The following AKAP8 variants were observed in gnomAD, a reference collection of about 807,000 sequenced individuals.
AKAP8 encodes the protein A-kinase anchor protein 8.
Under a neutral mutation model 67.5 loss-of-function variants are expected in AKAP8, and 24 were observed. The observed-to-expected ratio is 0.36, with a 90% CI of 0.26 to 0.50. AKAP8 has a LOEUF of 0.50. Among genes scored for constraint, AKAP8 ranks in the 20% least tolerant of loss-of-function variants. The pLI is 0.97. For synonymous variants in AKAP8, 400 were observed against 371.1 expected (o/e 1.08, Z -0.90); for missense variants, 971 against 955.9 (o/e 1.02, Z -0.21).
At chr19:15,367,175 G>A (rs1967084646) in intron 9 of AKAP8, among the ~76,000 whole-genome samples, 1 of 152,214 alleles carries the variant, frequency 6.6e-6, no homozygotes, top group Non-Finnish European at 1.5e-5. Context: ...CAAAGTGCTG[G>A]AATTACATGT....
Position 15,368,240 on chromosome 19 carries a change from G to A in AKAP8, c.1155C>T (p.Ala385=), listed in dbSNP as rs1214417575. 6 of 1,611,882 alleles carry A rather than the reference G, an allele frequency of 3.7e-6. No homozygotes were observed. Among genetic ancestry groups the A allele is most frequent in the South Asian group, 2.2e-5 (2 of 91,088 alleles). ...RRRDRTRDRA[A]DRIQFACSVC... ...GTCGTGTGCCCGCGCCTCACCTGTC[G>A]GCTGCACGGTCCCGCGTCCTGTCTC... The change falls in exon 9 of 14, where the codon GCC becomes GCT. Residue 385 remains alanine (A), a synonymous_variant. Transcript: ENST00000269701.
At chr19:15,368,528 A>C (rs1290367883) in intron 8 of AKAP8, 1 of 985,158 alleles carries the variant, frequency 1.0e-6, no homozygotes, top group Admixed American at 6.2e-5. Context: ...AGTAGTCACC[A>C]AACTCCCCAC....
rs1359371237 is a variant in AKAP8 at position 15,364,116 on chromosome 19, A to AAAAAAAAG, written c.1161-1866_1161-1865insCTTTTTTT. On this transcript the variant is annotated intron_variant, in intron 9 of 13. Transcript: ENST00000269701. The stretch of plus-strand genomic sequence containing the variant: ...AATAAATTGGCAGTGGGCAAAAAAA[A>AAAAAAAAG]AAAAAAAAAGAAACAGGATTTTCAG... Among the ~76,000 whole-genome samples, 6 of 144,574 alleles carry AAAAAAAAG rather than the reference A, an allele frequency of 4.2e-5. 1 individual carries two copies. The East Asian group carries it at 1.0e-3, about 24-fold the overall frequency. 94.8% of individuals were successfully genotyped at this position (144,574 alleles called of 152,430 possible). A position where few individuals can be genotyped will look rare whatever the true frequency, so the allele number is the denominator to read the frequency against.
At chr19:15,365,597 G>A (rs1967055110) in intron 9 of AKAP8, among the ~76,000 whole-genome samples, 3 of 152,216 alleles carry the variant, frequency 2.0e-5, no homozygotes, top group Admixed American at 1.3e-4. Context: ...TCTGCAGACA[G>A]CCCCTACGTA....
Position 15,372,988 on chromosome 19 carries a change from G to A in AKAP8, c.724C>T (p.Arg242Trp), listed in dbSNP as rs538615949. Reference sequence around the variant, plus strand: ...TGGGAGAAGAGGGACGGAGGTGGCCGGCTGGGGGAGGGCCCTCCCAGGCCC... The same window carrying A: ...TGGGAGAAGAGGGACGGAGGTGGCCAGCTGGGGGAGGGCCCTCCCAGGCCC... Reference protein sequence around the residue: ...GRGLGGPSPSRPPPSLFSQSM... With the variant: ...GRGLGGPSPSWPPPSLFSQSM... The change falls in exon 5 of 14, where the codon CGG becomes TGG. Residue 242 changes from arginine (R) to tryptophan (W), a missense_variant. Transcript: ENST00000269701. 166 of 1,564,860 alleles carry A rather than the reference G, an allele frequency of 1.1e-4. 1 individual carries two copies. Among genetic ancestry groups the A allele is most frequent in the Middle Eastern group, 8.5e-4 (5 of 5,854 alleles).
intron 5 of AKAP8, among the ~76,000 whole-genome samples, 157 bp from the exon 6 acceptor site, chr19:15,372,504 T>C (rs1225851476): frequency 1.3e-5 from 2 of 151,916 alleles, no homozygotes; most frequent in East Asian, 1.9e-4. Flanking sequence ...AAGAAAATCA[T>C]GCTGAGTGAA....
rs201103360 is a variant in AKAP8 at position 15,374,588 on chromosome 19, C to A, written c.91+15G>T. 2.4e-5 allele frequency: 39 copies of A among 1,612,936 alleles called. No individual in the cohort carries two copies. Among genetic ancestry groups the A allele is most frequent in the East Asian group, 6.7e-5 (3 of 44,796 alleles). On this transcript the variant is annotated intron_variant, in intron 3 of 13. Coordinates refer to ENST00000269701, the MANE Select transcript of AKAP8 (RefSeq NM_005858.4). ...CACTTGCCCGCCCACAGACCCCCCC[C>A]ACAGAAGGGCTTACCTTGCCAGCTG...
At chr19:15,374,680 A>C (rs926844009) in intron 2 of AKAP8, 45 bp from the exon 3 acceptor site, 2 of 1,608,176 alleles carry the variant, frequency 1.2e-6, no homozygotes, top group African/African-American at 2.7e-5. Flanking sequence ...TGCAGAACGA[A>C]GGCACTGACA....
chr19:15,362,465 C>T (rs1218709225), intron 9 of AKAP8, among the ~76,000 whole-genome samples: 2 of 151,120 alleles, frequency 1.3e-5, no homozygotes, highest in Non-Finnish European at 2.9e-5. Context: ...CTGCCTGATT[C>T]TCCTGCCTCA....
At chr19:15,376,425 G>A (rs946324881) in intron 2 of AKAP8, among the ~76,000 whole-genome samples, 1 of 151,888 alleles carries the variant, frequency 6.6e-6, no homozygotes, top group Non-Finnish European at 1.5e-5. Context: ...TGCGGCTGCA[G>A]TAAGCCGAGA....
intron 4 of AKAP8, 76 bp downstream of exon 4, chr19:15,373,710 G>A (rs1967202412): frequency 2.0e-6 from 3 of 1,491,684 alleles, no homozygotes; most frequent in Non-Finnish European, 2.7e-6. Flanking sequence ...CCTCCCTCAA[G>A]AGTGGGTGCC....
intron 9 of AKAP8, among the ~76,000 whole-genome samples, chr19:15,363,009 C>T (rs538396377): frequency 4.6e-5 from 7 of 151,464 alleles, no homozygotes; most frequent in African/African-American, 7.3e-5. Flanking sequence ...TCTGCCCTGC[C>T]GCCCCGTCCG....
In AKAP8 at chr19:15,372,861, T is replaced by C. The variant is rs750533192; in HGVS notation, c.851A>G (p.Asp284Gly). 6.7e-7 allele frequency: 1 copy of C among 1,500,436 alleles called. No individual in the cohort carries two copies. Among genetic ancestry groups the C allele is most frequent in the African/African-American group, 1.4e-5 (1 of 71,464 alleles). The allele number at this position is 1,500,436 out of a possible 1,614,324, so 92.9% of individuals were successfully genotyped here. The change falls in exon 5 of 14, where the codon GAT (aspartate) becomes GGT (glycine). Residue 284 changes from aspartate (D) to glycine (G), a missense_variant. Physicochemically the swap from Asp to Gly is moderately conservative, Grantham distance 94. Transcript: ENST00000269701. ...CTTGCGAGGGCTTACCCGATCCCGA[T>C]CCCGCATCCGAGGCTGCGAGCGGCC... ...GCGRSQPRMRDRDRPKRRGFD... is the reference protein window; with the variant it reads ...GCGRSQPRMRGRDRPKRRGFD...
At chr19:15,363,917 G>C (rs1350200997) in intron 9 of AKAP8, among the ~76,000 whole-genome samples, 1 of 151,436 alleles carries the variant, frequency 6.6e-6, no homozygotes, top group African/African-American at 2.4e-5. Context: ...ATGGATTAAG[G>C]GCGGTGCAAG....
intron 2 of AKAP8, 69 bp from the exon 3 acceptor site, chr19:15,374,704 C>T: frequency 1.9e-6 from 3 of 1,572,704 alleles, no homozygotes; most frequent in Non-Finnish European, 1.7e-6. Flanking sequence ...CAGCTGTCAC[C>T]TTGCTCCACC....
intron 3 of AKAP8, 27 bp downstream of exon 3, chr19:15,374,554 TCAGAGGCCCACTTGCCCGCCCA>T (rs1424356127): frequency 2.5e-6 from 4 of 1,601,302 alleles, no homozygotes; most frequent in Non-Finnish European, 3.4e-6. Flanking sequence ...GGCCTTCAGA[TCAGAGGCCCACTTGCCCGCCCA>T]CAGACCCCCC....
In AKAP8 at chr19:15,354,694, A is replaced by G. The variant is rs1311493261; in HGVS notation, c.*221T>C. On this transcript the variant is annotated 3_prime_UTR_variant, in exon 14 of 14. Transcript: ENST00000269701. ...TGTCAAGAGACATGTTACAGCCGCT[A>G]AGGACAATGTACTTCAGCTTTGAAA... 3 of 588,888 alleles carry G rather than the reference A, an allele frequency of 5.1e-6. No individual in the cohort carries two copies. Among genetic ancestry groups the G allele is most frequent in the East Asian group, 5.6e-5 (2 of 35,688 alleles). The allele number at this position is 588,888 out of a possible 1,614,324, so 36.5% of individuals were successfully genotyped here.
In AKAP8 at chr19:15,354,562, AT is replaced by A; in HGVS notation, c.*352del. The A allele has an allele frequency of 4.1e-6, 1 of 243,298 alleles. No individual in the cohort carries two copies. The allele number at this position is 243,298 out of a possible 1,614,324, so 15.1% of individuals were successfully genotyped here. A position where few individuals can be genotyped will look rare whatever the true frequency, so the allele number is the denominator to read the frequency against. Reference sequence around the variant, plus strand: ...TGTTCCCAACCAAATAAAAAAAAAAATTAAGGAAAAAAATAAAAAAGGAAGC... The same window carrying A: ...TGTTCCCAACCAAATAAAAAAAAAAATAAGGAAAAAAATAAAAAAGGAAGC... On this transcript the variant is annotated 3_prime_UTR_variant, in exon 14 of 14. Coordinates refer to ENST00000269701, the MANE Select transcript of AKAP8 (RefSeq NM_005858.4).
chr19:15,373,162 C>T lies in AKAP8; in HGVS notation c.550G>A (p.Asp184Asn), dbSNP rs1967191970. The change falls in exon 5 of 14, where the codon GAT becomes AAT. Residue 184 changes from aspartate (D) to asparagine (N), a missense_variant. This residue lies in a region of AKAP8 where 763 missense variants were observed against 745.4 expected (regional missense o/e 1.02). Transcript: ENST00000269701. ...TGGCCCCGGCCCCGCATGAAGCCAT[C>T]AAGGGAGCCCCGCTCCCGGGCTGGG... ...RDPARERGSL[D>N]GFMRGRGQGR... 1 of 1,613,480 alleles carries T rather than the reference C, an allele frequency of 6.2e-7. No individual in the cohort carries two copies.
Sources: gnomAD v4.1 joint callset for allele counts (sites outside exome capture counted in the v4.1 genomes callset) on GRCh38, gnomAD v4.1.1 for gene constraint, gnomAD v4.1.1 regional missense constraint, MANE v1.5 for transcripts, NCBI Gene and HGNC (gene_info 2026-07-23, HGNC 2026-07-21) for gene names.